Variants in BACH2 observed in about 807,000 individuals in gnomAD.
BACH2 encodes transcription regulator protein BACH2.
BACH2 carries 5 observed loss-of-function variants against 61.8 expected under a neutral mutation model. That is an observed-to-expected ratio of 0.08 (90% confidence interval 0.04 to 0.17). The LOEUF (loss-of-function observed/expected upper bound fraction) is 0.17. Among genes scored for constraint, BACH2 ranks in the 10% least tolerant of loss-of-function variants. The probability of loss-of-function intolerance (pLI) is 1.00; values close to 1 mark genes in which losing one functional copy is unlikely to be tolerated. For synonymous variants in BACH2, 446 were observed against 440.1 expected, an observed-to-expected ratio of 1.01 and a Z score of -0.17; for missense variants, 824 against 1,091.1, an observed-to-expected ratio of 0.76 and a Z score of 3.45.
In BACH2 at chr6:90,100,751, C is replaced by A. The variant is rs931295630; in HGVS notation, c.-161-11642G>T. 4.7e-4 allele frequency among the ~76,000 whole-genome samples: 26 copies of A among 55,092 alleles called. No homozygotes were observed. The Admixed American group carries it at 4.8e-3, about 10-fold the overall frequency. 36.1% of individuals were successfully genotyped at this position (55,092 alleles called of 152,430 possible). ...CAGACACACACACACACACACACAC[C>A]CTCTATTGGTTCTATTCTCTGCAGA... On this transcript the variant is annotated intron_variant, in intron 4 of 8. Transcript: ENST00000257749.
intron 1 of BACH2, among the ~76,000 whole-genome samples, chr6:90,288,961 A>G (rs1468025118): frequency 6.6e-6 from 1 of 152,214 alleles, no homozygotes; most frequent in Non-Finnish European, 1.5e-5. Flanking sequence ...ATGGTATTTC[A>G]GTTATATGCC....
intron 4 of BACH2, among the ~76,000 whole-genome samples, chr6:90,102,842 A>AAT (rs1562445769): frequency 1.0e-4 from 12 of 119,822 alleles, no homozygotes; most frequent in Admixed American, 8.9e-4. Context: ...ATAATAATAA[A>AAT]AATAAAAGGA....
chr6:90,231,576 G>A (rs145791224), intron 3 of BACH2, among the ~76,000 whole-genome samples: 1 of 152,268 alleles, frequency 6.6e-6, no homozygotes, highest in Non-Finnish European at 1.5e-5. Context: ...GCAACCCCTA[G>A]ATGTTAGATA....
chr6:90,024,052 G>A (rs554472431), intron 5 of BACH2, among the ~76,000 whole-genome samples: 1 of 152,296 alleles, frequency 6.6e-6, no homozygotes, highest in South Asian at 2.1e-4. Context: ...CAGGGGTGCT[G>A]TTGCATGCTC....
At chr6:89,964,088 G>T (rs867005652) in intron 6 of BACH2, among the ~76,000 whole-genome samples, 11 of 152,096 alleles carry the variant, frequency 7.2e-5, no homozygotes, top group African/African-American at 2.7e-4. Context: ...GATAGCATCG[G>T]GAGATATACC....
In BACH2 at chr6:90,112,611, T is replaced by C. The variant is rs145527338; in HGVS notation, c.-161-23502A>G. ...AAGAGATCTTGAAAGGTGCACAAAA[T>C]ATAGAAAGGAAAGACTGCTATCAGC... On this transcript the variant is annotated intron_variant, in intron 4 of 8. Coordinates refer to ENST00000257749, the MANE Select transcript of BACH2 (RefSeq NM_021813.4). Among the ~76,000 whole-genome samples, 11 of 152,156 alleles carry C rather than the reference T, an allele frequency of 7.2e-5. 1 individual carries two copies. The East Asian group carries it at 1.9e-3, about 27-fold the overall frequency.
At chr6:90,111,326 G>A (rs544159956) in intron 4 of BACH2, among the ~76,000 whole-genome samples, 1 of 152,242 alleles carries the variant, frequency 6.6e-6, no homozygotes, top group East Asian at 1.9e-4. Flanking sequence ...TTTTGCCTCT[G>A]TAGAAGCCCT....
chr6:90,114,989 G>A (rs1783331316), intron 4 of BACH2, among the ~76,000 whole-genome samples: 1 of 151,928 alleles, frequency 6.6e-6, no homozygotes, highest in Non-Finnish European at 1.5e-5. Context: ...TCTACAATAA[G>A]AATTACAAAA....
At chr6:90,205,445 G>A (rs184631038) in intron 4 of BACH2, among the ~76,000 whole-genome samples, 33 of 152,218 alleles carry the variant, frequency 2.2e-4, no homozygotes, top group African/African-American at 5.8e-4. Context: ...TTCTGTCCCC[G>A]TATGGGACAT....
chr6:90,249,329 CTTCCTCCCATA>C (rs1217312781), intron 3 of BACH2, among the ~76,000 whole-genome samples: 1 of 152,186 alleles, frequency 6.6e-6, no homozygotes, highest in African/African-American at 2.4e-5. Flanking sequence ...TTCCTGTCAT[CTTCCTCCCATA>C]ACTGCAAAGT....
chr6:90,274,961 A>C (rs1026815236), intron 1 of BACH2, among the ~76,000 whole-genome samples: 1 of 152,210 alleles, frequency 6.6e-6, no homozygotes, highest in Non-Finnish European at 1.5e-5. Flanking sequence ...TTCAATGACA[A>C]ATGGAAACAT....
intron 4 of BACH2, among the ~76,000 whole-genome samples, chr6:90,094,203 G>A (rs1169438032): frequency 1.3e-5 from 2 of 152,194 alleles, no homozygotes; most frequent in East Asian, 3.8e-4. Flanking sequence ...GCAAGGGAGT[G>A]TTCTTACCAA....
At chr6:90,216,473 G>A (rs1325516398) in intron 3 of BACH2, among the ~76,000 whole-genome samples, 2 of 152,076 alleles carry the variant, frequency 1.3e-5, no homozygotes, top group African/African-American at 2.4e-5. Context: ...CAGACGGTGG[G>A]GTCATTTCCT....
At chr6:90,129,495 CATGT>C (rs1784007125) in intron 4 of BACH2, among the ~76,000 whole-genome samples, 1 of 151,972 alleles carries the variant, frequency 6.6e-6, no homozygotes, top group Non-Finnish European at 1.5e-5. Flanking sequence ...TCTCTGTGTC[CATGT>C]GGTTTCTTTC....
At chr6:90,030,128 G>C (rs1274619433) in intron 5 of BACH2, among the ~76,000 whole-genome samples, 1 of 152,170 alleles carries the variant, frequency 6.6e-6, no homozygotes, top group Non-Finnish European at 1.5e-5. Context: ...AAAAGCTTGT[G>C]TGCTCTTGCT....
In BACH2 at chr6:90,248,505, G is replaced by A. The variant is rs199549000; in HGVS notation, c.-275+4008C>T. ...TTCTAATAAGGGCTGGGAAAGAAAG[G>A]AGAAAGCAAAGTATGGACAACTGGG... On this transcript the variant is annotated intron_variant, in intron 3 of 8. Transcript: ENST00000257749. Among the ~76,000 whole-genome samples the A allele has an allele frequency of 1.1e-4, 17 of 152,310 alleles. No individual in the cohort carries two copies. The East Asian group carries it at 2.3e-3, about 21-fold the overall frequency.
chr6:90,091,803 T>C (rs960566126), intron 4 of BACH2, among the ~76,000 whole-genome samples: 3 of 152,136 alleles, frequency 2.0e-5, no homozygotes, highest in Non-Finnish European at 4.4e-5. Context: ...CAATCTTATC[T>C]AAAAATAAGG....
Position 89,950,601 on chromosome 6 carries a change from A to T in BACH2, c.1505T>A (p.Val502Glu). The T allele has an allele frequency of 6.2e-7, 1 of 1,613,514 alleles. No individual in the cohort carries two copies. Among genetic ancestry groups the T allele is most frequent in the South Asian group, 1.1e-5 (1 of 91,030 alleles). The change falls in exon 7 of 9, where the codon GTA becomes GAA. Residue 502 changes from valine (V) to glutamate (E), a missense_variant. Physicochemically the swap from Val to Glu is moderately radical, Grantham distance 121. Transcript: ENST00000257749. The surrounding 1 kb of genome is among the most constrained non-coding windows in gnomAD (Gnocchi z 5.3). ...TGAGCGAGGGCAGACTTTGATTGGT[A>T]CCGGGCAGCTGGTGTTGGGCCGCAT... ...GRMRPNTSCP[V>E]PIKVCPRSPP...
At chr6:89,949,808 G>C (rs1255758079) in intron 7 of BACH2, among the ~76,000 whole-genome samples, 1 of 152,124 alleles carries the variant, frequency 6.6e-6, no homozygotes, top group African/African-American at 2.4e-5. Context: ...TCTAAAAGGT[G>C]CTGGGAGAGT....
Sources: gnomAD v4.1 joint callset for allele counts (sites outside exome capture counted in the v4.1 genomes callset) on GRCh38, gnomAD v4.1.1 for gene constraint, Gnocchi (gnomAD v3.1) non-coding constraint, MANE v1.5 for transcripts, NCBI Gene and HGNC (gene_info 2026-07-23, HGNC 2026-07-21) for gene names.